VWA5A: variants seen among roughly 807,000 people sequenced by gnomAD.
VWA5A encodes von Willebrand factor A domain containing 5A.
Under a neutral mutation model 84.6 loss-of-function variants are expected in VWA5A, and 77 were observed. That is an observed-to-expected ratio of 0.91 (90% CI 0.76 to 1.10). The LOEUF is 1.10. Ranked by LOEUF, VWA5A falls within the 50% of genes least tolerant of loss-of-function variation. The pLI is 0.00. For synonymous variants in VWA5A, 334 were observed against 350.1 expected, an observed-to-expected ratio of 0.95 and a Z score of 0.51; for missense variants, 973 against 963.0, an observed-to-expected ratio of 1.01 and a Z score of -0.14.
chr11:124,140,099 T>G lies in VWA5A; in HGVS notation c.1880-1499T>G, dbSNP rs191470678. ...AGCGTGATCCATGTTTATCAATTTA[T>G]GTTTATTGAACCAACTTTTCATCTC... On this transcript the variant is annotated intron_variant, in intron 15 of 18. Coordinates refer to ENST00000456829, the MANE Select transcript of VWA5A (RefSeq NM_001130142.2). Among the ~76,000 whole-genome samples, 7 of 152,358 alleles carry G rather than the reference T, an allele frequency of 4.6e-5. No individual in the cohort carries two copies. In the East Asian group the frequency reaches 1.2e-3, roughly 25 times the overall value.
intron 7 of VWA5A, among the ~76,000 whole-genome samples, chr11:124,122,065 T>G (rs1175176586): frequency 1.3e-5 from 2 of 152,224 alleles, no homozygotes; most frequent in African/African-American, 2.4e-5. Context: ...GAGAAGAAAT[T>G]AAACTGAGCC....
At chr11:124,129,653 C>T (rs921619954) in intron 11 of VWA5A, among the ~76,000 whole-genome samples, 4 of 152,050 alleles carry the variant, frequency 2.6e-5, no homozygotes, top group Admixed American at 6.5e-5. Flanking sequence ...GCCTCAATTT[C>T]GGAACTTGTT....
Position 124,136,687 on chromosome 11 carries a change from T to C in VWA5A, c.1625+13T>C. On this transcript the variant is annotated intron_variant, in intron 14 of 18. Coordinates refer to ENST00000456829, the MANE Select transcript of VWA5A (RefSeq NM_001130142.2). Reference sequence around the variant, plus strand: ...AGCCTGATGTCAAGTGAGAATTCAGTTTTCCCTTCCTTCCTTCCTTCCTTC... The same window carrying C: ...AGCCTGATGTCAAGTGAGAATTCAGCTTTCCCTTCCTTCCTTCCTTCCTTC... The C allele has an allele frequency of 6.4e-7, 1 of 1,574,444 alleles. No homozygotes were observed. The highest frequency in any genetic ancestry group is 8.7e-7 in the Non-Finnish European group (1 of 1,148,514).
intron 11 of VWA5A, among the ~76,000 whole-genome samples, chr11:124,133,826 C>G (rs1305822335): frequency 3.3e-5 from 5 of 152,122 alleles, no homozygotes; most frequent in Non-Finnish European, 1.5e-5. Context: ...TAAAATTTTG[C>G]TATTATTGTA....
At chr11:124,135,695 T>A (rs1865168881) in intron 12 of VWA5A, among the ~76,000 whole-genome samples, 1 of 149,786 alleles carries the variant, frequency 6.7e-6, no homozygotes, top group Admixed American at 6.6e-5. Context: ...TACGCCCGGC[T>A]AATTTTTTGT....
intron 14 of VWA5A, 76 bp downstream of exon 14, chr11:124,136,750 T>TTCCTTCCTTCCTTCCCTCCC (rs1555164302): frequency 2.5e-6 from 2 of 787,356 alleles, no homozygotes; most frequent in African/African-American, 6.9e-5. Flanking sequence ...CCTTCCTTCA[T>TTCCTTCCTTCCTTCCCTCCC]TCCCTCCCTC....
intron 18 of VWA5A, 34 bp downstream of exon 18, chr11:124,145,397 C>A (rs771935849): frequency 6.4e-7 from 1 of 1,573,178 alleles, no homozygotes; most frequent in Non-Finnish European, 8.6e-7. Context: ...GTCTCCTTCC[C>A]CTTCCCTGGC....
At chr11:124,118,132 A>G (rs917391445) in intron 4 of VWA5A, 57 bp from the exon 5 acceptor site, 104 of 1,565,782 alleles carry the variant, frequency 6.6e-5, no homozygotes, top group Non-Finnish European at 8.6e-5. Flanking sequence ...TCTCTTTTTC[A>G]GCCATGTCAC....
Position 124,135,051 on chromosome 11 carries a change from C to T in VWA5A, c.1359+17C>T, listed in dbSNP as rs565494001. The T allele has an allele frequency of 7.0e-5, 113 of 1,602,894 alleles. No homozygotes were observed. The South Asian group carries it at 1.1e-3, about 16-fold the overall frequency. ...CAGTCCAAGGTGAGGGACAGACTGA[C>T]TGTGTCTGTCTGGAGGTGGCAATCC... is the stretch of plus-strand genomic sequence containing the variant. On this transcript the variant is annotated intron_variant, in intron 12 of 18. Coordinates refer to ENST00000456829, the MANE Select transcript of VWA5A (RefSeq NM_001130142.2).
intron 11 of VWA5A, among the ~76,000 whole-genome samples, chr11:124,125,827 G>A (rs1429730375): frequency 6.6e-6 from 1 of 152,160 alleles, no homozygotes; most frequent in Non-Finnish European, 1.5e-5. Context: ...GCTTCAAAAT[G>A]TATTTGAGTA....
Position 124,147,271 on chromosome 11 carries a change from C to T in VWA5A, c.*1326C>T, listed in dbSNP as rs780243022. ...TACCACTGTAGAATCCTGACCATAC[C>T]CTTAAATAGTTATGTGATGATGGGC... On this transcript the variant is annotated 3_prime_UTR_variant, in exon 19 of 19. Coordinates refer to ENST00000456829, the MANE Select transcript of VWA5A (RefSeq NM_001130142.2). The T allele has an allele frequency of 1.3e-5, 2 of 152,106 alleles. No homozygotes were observed. The highest frequency in any genetic ancestry group is 2.9e-5 in the Non-Finnish European group (2 of 68,034). The allele number at this position is 152,106 out of a possible 1,614,324, so 9.4% of individuals were successfully genotyped here.
chr11:124,135,826 G>A (rs560452231), intron 12 of VWA5A, among the ~76,000 whole-genome samples: 2 of 151,806 alleles, frequency 1.3e-5, no homozygotes, highest in South Asian at 2.1e-4. Flanking sequence ...CACCGCGCCC[G>A]GCCTCTGGTG....
At position 124,143,055 on chromosome 11, in the gene VWA5A, G is replaced by T. The variant is rs1011483236; in HGVS notation, c.2154+483G>T. Among the ~76,000 whole-genome samples, 11 of 152,300 alleles carry T rather than the reference G, an allele frequency of 7.2e-5. 1 individual carries two copies. The South Asian group carries it at 2.3e-3, about 32-fold the overall frequency. On this transcript the variant is annotated intron_variant, in intron 17 of 18. Transcript: ENST00000456829. ...GAGTTTACCTAGCCCATCAGTGGCA[G>T]AGCCAGATTCAGTTCTAAGAGTATC...
At position 124,145,219 on chromosome 11, in the gene VWA5A, T is replaced by G; in HGVS notation, c.2155-18T>G. The G allele has an allele frequency of 6.3e-7, 1 of 1,595,298 alleles. No individual in the cohort carries two copies. Among genetic ancestry groups the G allele is most frequent in the South Asian group, 1.1e-5 (1 of 87,864 alleles). On this transcript the variant is annotated intron_variant, in intron 17 of 18. Transcript: ENST00000456829. The stretch of plus-strand genomic sequence containing the variant: ...AGGGACTTCCTGTGCCAACTGGAGC[T>G]CTCTATCTACTGTGCAGCTTGTGGA...
intron 7 of VWA5A, among the ~76,000 whole-genome samples, chr11:124,120,291 G>A (rs908146202): frequency 2.6e-5 from 4 of 152,164 alleles, no homozygotes; most frequent in Non-Finnish European, 4.4e-5. Flanking sequence ...AGTTTGCTGT[G>A]TTCTTGGGGC....
At chr11:124,119,697 G>A (rs1864900026) in intron 7 of VWA5A, among the ~76,000 whole-genome samples, 1 of 152,114 alleles carries the variant, frequency 6.6e-6, no homozygotes, top group Non-Finnish European at 1.5e-5. Context: ...TGCTATGCTA[G>A]GTATACTTCA....
chr11:124,144,111 T>C (rs1349975111), intron 17 of VWA5A, among the ~76,000 whole-genome samples: 1 of 151,890 alleles, frequency 6.6e-6, no homozygotes, highest in Non-Finnish European at 1.5e-5. Flanking sequence ...ATGACAAAAC[T>C]GGGAGATAAA....
rs769656923 is a variant in VWA5A, at chr11:124,124,243, G to C, written c.1171G>C (p.Val391Leu). 2.5e-6 allele frequency: 4 copies of C among 1,613,228 alleles called. No homozygotes were observed. In the South Asian group the frequency reaches 4.4e-5, roughly 18 times the overall value. The change falls in exon 11 of 19, where the codon GTC becomes CTC. Residue 391 changes from valine (V) to leucine (L), a missense_variant. By Grantham distance (32) the Val-to-Leu change is conservative. Transcript: ENST00000456829. ...ATTTTCTTTCTTTGTATAGCTTTTT[G>C]TCTTTACAGATGGAGAAGTTACAGA... ...SIPGHPLQLF[V>L]FTDGEVTDTF... is the part of the protein sequence containing the mutation.
chr11:124,145,480 C>T lies in VWA5A; in HGVS notation c.2281+117C>T, dbSNP rs759830208. The stretch of plus-strand genomic sequence containing the variant: ...CATCCTGCTTCAGATCTTTACTAAT[C>T]TTTCTGCTAGTTCTTTTCTTGGGAG... On this transcript the variant is annotated intron_variant, in intron 18 of 18. Transcript: ENST00000456829. The T allele has an allele frequency of 8.8e-6, 12 of 1,362,714 alleles. No homozygotes were observed. The South Asian group carries it at 1.4e-4, about 16-fold the overall frequency. The allele number at this position is 1,362,714 out of a possible 1,614,324, so 84.4% of individuals were successfully genotyped here.
Sources: gnomAD v4.1 joint callset for allele counts (sites outside exome capture counted in the v4.1 genomes callset) on GRCh38, gnomAD v4.1.1 for gene constraint, MANE v1.5 for transcripts, NCBI Gene and HGNC (gene_info 2026-07-23, HGNC 2026-07-21) for gene names.